The following PRKACB variants were observed in gnomAD, a reference collection of about 807,000 sequenced individuals.
PRKACB encodes protein kinase cAMP-activated catalytic subunit beta.
Under a neutral mutation model 51.4 loss-of-function variants are expected in PRKACB, and 16 were observed. The ratio of observed to expected loss-of-function variants is 0.31; its 90% CI spans 0.21 to 0.47. The LOEUF (loss-of-function observed/expected upper bound fraction) is 0.47. Among genes scored for constraint, PRKACB ranks in the 20% least tolerant of loss-of-function variants. PRKACB has a pLI of 1.00. For synonymous variants in PRKACB, 147 were observed against 154.4 expected (o/e 0.95, Z 0.35); for missense variants, 309 against 464.5 (o/e 0.67, Z 3.08).
chr1:84,125,256 C>T (rs1227580023), intron 1 of PRKACB, among the ~76,000 whole-genome samples: 2 of 152,234 alleles, frequency 1.3e-5, no homozygotes, highest in Admixed American at 6.5e-5. Flanking sequence ...TCTTAGAGCC[C>T]TCTCTCTGGT....
At chr1:84,194,015 T>C (rs1445993616) in intron 5 of PRKACB, among the ~76,000 whole-genome samples, 1 of 152,150 alleles carries the variant, frequency 6.6e-6, no homozygotes, top group Non-Finnish European at 1.5e-5. Flanking sequence ...TGACTTACTA[T>C]GCACAGGGCA....
chr1:84,092,847 T>G (rs944047862), intron 1 of PRKACB, among the ~76,000 whole-genome samples: 3 of 152,054 alleles, frequency 2.0e-5, no homozygotes, highest in Admixed American at 1.3e-4. Flanking sequence ...CTTTTTCATG[T>G]TGGTATTGGT....
intron 1 of PRKACB, among the ~76,000 whole-genome samples, chr1:84,128,359 T>C (rs1337011908): frequency 6.6e-6 from 1 of 152,200 alleles, no homozygotes; most frequent in Non-Finnish European, 1.5e-5. Context: ...ATTGTCTTGA[T>C]TTCACTGGAA....
intron 1 of PRKACB, among the ~76,000 whole-genome samples, chr1:84,145,783 C>T (rs1235410028): frequency 6.6e-6 from 1 of 151,934 alleles, no homozygotes; most frequent in African/African-American, 2.4e-5. Flanking sequence ...TACCATGTAA[C>T]AAAAGCTTGT....
intron 1 of PRKACB, among the ~76,000 whole-genome samples, chr1:84,172,814 T>C (rs893810233): frequency 2.0e-5 from 3 of 151,636 alleles, no homozygotes; most frequent in Non-Finnish European, 3.0e-5. Flanking sequence ...AATTTTGTAA[T>C]AGGAAGTGTA....
At chr1:84,100,158 G>A (rs1649228258) in intron 1 of PRKACB, among the ~76,000 whole-genome samples, 1 of 152,178 alleles carries the variant, frequency 6.6e-6, no homozygotes, top group Non-Finnish European at 1.5e-5. Context: ...CAAGGTGACA[G>A]GAGAGAGTGT....
chr1:84,134,895 A>G (rs939598420), intron 1 of PRKACB, among the ~76,000 whole-genome samples: 2 of 152,178 alleles, frequency 1.3e-5, no homozygotes, highest in Non-Finnish European at 2.9e-5. Context: ...ATCACCCAGT[A>G]TGTTGTTACT....
chr1:84,224,069 T>C (rs1674182228), intron 9 of PRKACB, among the ~76,000 whole-genome samples: 2 of 152,156 alleles, frequency 1.3e-5, no homozygotes, highest in South Asian at 4.1e-4. Flanking sequence ...GTAGTCTCTA[T>C]GATTTCTTCA....
chr1:84,163,991 T>C (rs1656645197), intron 1 of PRKACB, among the ~76,000 whole-genome samples: 1 of 152,024 alleles, frequency 6.6e-6, no homozygotes, highest in South Asian at 2.1e-4. Context: ...TCCTGTTTCA[T>C]GTGAGGAATT....
chr1:84,139,607 A>G (rs915475677), upstream of PRKACB, among the ~76,000 whole-genome samples: 1 of 152,210 alleles, frequency 6.6e-6, no homozygotes, highest in African/African-American at 2.4e-5. Context: ...TGCTATGATT[A>G]TGGATTGAAA....
At chr1:84,095,247 G>GTT (rs5775776) in intron 1 of PRKACB, among the ~76,000 whole-genome samples, 24,822 of 136,990 alleles carry the variant, frequency 0.18, 2,735 homozygotes, top group Non-Finnish European at 0.25. Flanking sequence ...CATATTTGCT[G>GTT]TTTTTTTTTT....
intron 8 of PRKACB, among the ~76,000 whole-genome samples, chr1:84,213,024 T>C (rs1022900701): frequency 4.6e-5 from 7 of 152,160 alleles, no homozygotes; most frequent in African/African-American, 1.7e-4. Flanking sequence ...GTAGTACTTG[T>C]AGTGGTAGCA....
At chr1:84,168,463 G>A (rs570532000) in intron 1 of PRKACB, among the ~76,000 whole-genome samples, 1 of 151,572 alleles carries the variant, frequency 6.6e-6, no homozygotes, top group East Asian at 1.9e-4. Context: ...AGCTGTAGTT[G>A]AGGGCAAATC....
chr1:84,096,539 G>C (rs1265612232), intron 1 of PRKACB, among the ~76,000 whole-genome samples: 4 of 152,066 alleles, frequency 2.6e-5, no homozygotes, highest in Non-Finnish European at 4.4e-5. Flanking sequence ...GAAATGCCCT[G>C]AGGGCAAAAG....
At chr1:84,103,106 G>T (rs1363899696) in intron 1 of PRKACB, among the ~76,000 whole-genome samples, 1 of 152,288 alleles carries the variant, frequency 6.6e-6, no homozygotes, top group Non-Finnish European at 1.5e-5. Context: ...TTAGGATAAG[G>T]CTTCTTGGGG....
At position 84,235,669 on chromosome 1, in the gene PRKACB, T is replaced by C. The variant is rs1303566131; in HGVS notation, c.*364T>C. The C allele has an allele frequency of 1.8e-5, 3 of 167,480 alleles. No homozygotes were observed. The highest frequency in any genetic ancestry group is 3.8e-5 in the Non-Finnish European group (3 of 78,332). 10.4% of individuals were successfully genotyped at this position (167,480 alleles called of 1,614,324 possible). On this transcript the variant is annotated 3_prime_UTR_variant, in exon 10 of 10. Coordinates refer to ENST00000370685, the MANE Select transcript of PRKACB (RefSeq NM_182948.4). Reference sequence around the variant, plus strand: ...GGGCAGTGTTATGGCTACGTGATATTTGAAGGGAAGGATAAGTGTTGCTTT... The same window carrying C: ...GGGCAGTGTTATGGCTACGTGATATCTGAAGGGAAGGATAAGTGTTGCTTT...
intron 1 of PRKACB, among the ~76,000 whole-genome samples, chr1:84,152,601 A>T (rs1029837630): frequency 1.3e-5 from 2 of 152,250 alleles, no homozygotes; most frequent in African/African-American, 4.8e-5. Context: ...TTGTACTTTT[A>T]TGTTATAGAA....
intron 1 of PRKACB, among the ~76,000 whole-genome samples, chr1:84,097,801 A>G (rs1649038980): frequency 6.6e-6 from 1 of 152,028 alleles, no homozygotes; most frequent in African/African-American, 2.4e-5. Context: ...AACAAAAACA[A>G]AAACAAAACG....
At chr1:84,078,096 C>T (rs1647232258), upstream of PRKACB, 2 of 419,544 alleles carry the variant, frequency 4.8e-6, no homozygotes, top group South Asian at 6.0e-5. Flanking sequence ...CTGCCACCGC[C>T]GTCGCCGCCG....
Sources: gnomAD v4.1 joint callset for allele counts (sites outside exome capture counted in the v4.1 genomes callset) on GRCh38, gnomAD v4.1.1 for gene constraint, MANE v1.5 for transcripts, NCBI Gene and HGNC (gene_info 2026-07-23, HGNC 2026-07-21) for gene names.